KAT6A: variants seen among roughly 807,000 people sequenced by gnomAD.
KAT6A encodes the protein lysine acetyltransferase 6A, also known as histone acetyltransferase KAT6A.
Under a neutral mutation model 198.4 loss-of-function variants are expected in KAT6A, and 9 were observed. The observed-to-expected ratio is 0.05, with a 90% CI of 0.03 to 0.08. The LOEUF (loss-of-function observed/expected upper bound fraction) is 0.08, where lower values mean the gene tolerates loss of function less well. Among genes scored for constraint, KAT6A ranks in the 10% least tolerant of loss-of-function variants. The pLI, the probability that KAT6A is intolerant of heterozygous loss-of-function variation, is 1.00. For missense variants in KAT6A, 2,077 were observed against 2,509.9 expected, an observed-to-expected ratio of 0.83 and a Z score of 3.69; for synonymous variants, 890 against 883.0, an observed-to-expected ratio of 1.01 and a Z score of -0.14.
intron 2 of KAT6A, among the ~76,000 whole-genome samples, chr8:42,023,756 C>T (rs958988902): frequency 7.9e-5 from 12 of 150,992 alleles, no homozygotes; most frequent in African/African-American, 2.4e-4. Context: ...CAAACTGCTG[C>T]GACTACAGGT....
chr8:41,981,422 A>C, intron 4 of KAT6A, among the ~76,000 whole-genome samples: 1 of 152,220 alleles, frequency 6.6e-6, no homozygotes, highest in South Asian at 2.1e-4. Context: ...TGTTCCAGCC[A>C]ATCTTTGATA....
intron 8 of KAT6A, among the ~76,000 whole-genome samples, chr8:41,972,529 G>A (rs550695488): frequency 1.1e-4 from 16 of 152,280 alleles, no homozygotes; most frequent in African/African-American, 3.6e-4. Context: ...ACACACTGAG[G>A]AGGACACAGC....
At chr8:42,015,055 C>T (rs1826206614) in intron 2 of KAT6A, among the ~76,000 whole-genome samples, 1 of 152,148 alleles carries the variant, frequency 6.6e-6, no homozygotes, top group Non-Finnish European at 1.5e-5. Context: ...ATAACCAGTG[C>T]ATGAAGGGAG....
At chr8:41,953,943 A>C (rs148552863) in intron 9 of KAT6A, among the ~76,000 whole-genome samples, 30 of 152,268 alleles carry the variant, frequency 2.0e-4, no homozygotes, top group Admixed American at 8.5e-4. Context: ...ATACAATGTA[A>C]CCTTATCTTA....
rs755124350 is a variant in KAT6A at position 41,933,831 on chromosome 8, G to A, written c.4389C>T (p.Asp1463=). The change falls in exon 17 of 17, where the codon GAC becomes GAT. Residue 1463 remains aspartate, a synonymous_variant. Transcript: ENST00000265713. The surrounding 1 kb of genome is among the most constrained non-coding windows in gnomAD (Gnocchi z 6.2). ...CQTLQSYTQA[D]EDPQMSMVED... is the part of the protein sequence containing the mutation. ...CAACCATGGACATCTGAGGGTCCTC[G>A]TCAGCCTGGGTGTAACTCTGCAGGG... The A allele has an allele frequency of 6.2e-6, 10 of 1,613,960 alleles. No homozygotes were observed. Among genetic ancestry groups the A allele is most frequent in the Admixed American group, 1.7e-5 (1 of 60,000 alleles).
chr8:41,951,847 T>C (rs1364280745), intron 9 of KAT6A, among the ~76,000 whole-genome samples: 25 of 152,202 alleles, frequency 1.6e-4, no homozygotes, highest in Admixed American at 1.6e-3. Flanking sequence ...CAAATATTAC[T>C]TAAATCTAAG....
chr8:42,030,734 T>A (rs1344179380), intron 2 of KAT6A, among the ~76,000 whole-genome samples: 2 of 151,766 alleles, frequency 1.3e-5, no homozygotes, highest in Admixed American at 1.3e-4. Context: ...CTGACAAATT[T>A]TTTGTTGTTG....
chr8:42,015,693 T>C (rs966481418), intron 2 of KAT6A, among the ~76,000 whole-genome samples: 8 of 152,248 alleles, frequency 5.3e-5, no homozygotes, highest in African/African-American at 1.9e-4. Context: ...ATATTTTTCA[T>C]TTGAAAATTT....
Position 42,031,817 on chromosome 8 carries a change from G to C in KAT6A, c.600+16561C>G, listed in dbSNP as rs555126828. 1.3e-4 allele frequency among the ~76,000 whole-genome samples: 19 copies of C among 151,618 alleles called. No homozygotes were observed. In the South Asian group the frequency reaches 4.0e-3, roughly 32 times the overall value. ...GGCTAATTTTTGTATTTTTAGTAGA[G>C]ATAGGGTTTTGTCATGTTGGCCAGG... On this transcript the variant is annotated intron_variant, in intron 2 of 16. Coordinates refer to ENST00000265713, the MANE Select transcript of KAT6A (RefSeq NM_006766.5).
At chr8:41,941,728 G>A (rs1167199867) in intron 14 of KAT6A, among the ~76,000 whole-genome samples, 1 of 152,178 alleles carries the variant, frequency 6.6e-6, no homozygotes, top group Non-Finnish European at 1.5e-5. Context: ...ATCTGCCCCA[G>A]GTCACGCAAG....
rs757147765 is a variant in KAT6A at position 42,048,384 on chromosome 8, C to A, written c.594G>T (p.Lys198Asn). Reference protein sequence around the residue: ...LPPVSLLPHEKDKPVAEPIPI... With the variant: ...LPPVSLLPHENDKPVAEPIPI... ...AAGCATATGCCATTCTTACCTTATC[C>A]TTTTCATGTGGAAGAAGGGACACTG... Residue 198 changes from lysine to asparagine, a missense_variant, in exon 2 of 17, where the codon AAG becomes AAT. Coordinates refer to ENST00000265713, the MANE Select transcript of KAT6A (RefSeq NM_006766.5). 5 of 1,613,670 alleles carry A rather than the reference C, an allele frequency of 3.1e-6. No individual in the cohort carries two copies. Among genetic ancestry groups the A allele is most frequent in the Non-Finnish European group, 4.2e-6 (5 of 1,179,682 alleles).
At chr8:41,957,074 A>G (rs769283471) in intron 8 of KAT6A, 27 of 600,634 alleles carry the variant, frequency 4.5e-5, no homozygotes, top group Non-Finnish European at 6.3e-5. Flanking sequence ...CTGTTGTTTG[A>G]GGGTCTTCCC....
chr8:42,012,794 A>G (rs1826084334), intron 2 of KAT6A, among the ~76,000 whole-genome samples: 1 of 152,214 alleles, frequency 6.6e-6, no homozygotes, highest in Admixed American at 6.5e-5. Flanking sequence ...CATAATTGCC[A>G]AAAACTGAAA....
At chr8:41,978,993 C>T (rs1329753145) in intron 5 of KAT6A, among the ~76,000 whole-genome samples, 1 of 152,190 alleles carries the variant, frequency 6.6e-6, no homozygotes, top group Non-Finnish European at 1.5e-5. Flanking sequence ...TTCAAGCCTG[C>T]ACTGGAAGTC....
In KAT6A at chr8:41,934,487, C is replaced by T. The variant is rs750042017; in HGVS notation, c.3733G>A (p.Ala1245Thr). 15 of 1,610,788 alleles carry T rather than the reference C, an allele frequency of 9.3e-6. No homozygotes were observed. The highest frequency in any genetic ancestry group is 1.3e-5 in the Non-Finnish European group (15 of 1,178,366). Residue 1245 changes from alanine (A) to threonine (T), a missense_variant, in exon 17 of 17, where the codon GCC (alanine) becomes ACC (threonine). Coordinates refer to ENST00000265713, the MANE Select transcript of KAT6A (RefSeq NM_006766.5). ...EAEEGEEEDA[A>T]SSEVPAASPA... ...GAGGCTGCTGGGACTTCACTGCTGG[C>T]TGCATCCTCTTCCTCACCCTCTTCA...
intron 2 of KAT6A, among the ~76,000 whole-genome samples, chr8:42,008,834 C>T (rs1049460965): frequency 2.0e-5 from 3 of 152,078 alleles, no homozygotes; most frequent in African/African-American, 7.2e-5. Flanking sequence ...ATTTAAATAG[C>T]TACATGCACC....
Position 41,946,673 on chromosome 8 carries a change from G to A in KAT6A, c.1914C>T (p.Cys638=). 6.3e-7 allele frequency: 1 copy of A among 1,596,636 alleles called. No homozygotes were observed. Among genetic ancestry groups the A allele is most frequent in the East Asian group, 2.2e-5 (1 of 44,786 alleles). The change falls in exon 12 of 17, where the codon TGC becomes TGT. Residue 638 remains cysteine, a synonymous_variant. Transcript: ENST00000265713. The part of the protein sequence containing the change: ...LVGYFSKEKH[C]QQKYNVSCIM... ...TACAGGAAACATTGTACTTCTGTTG[G>A]CAGTGCTTTTCCTGGTGGAGAAAAC...
intron 2 of KAT6A, among the ~76,000 whole-genome samples, chr8:42,030,718 C>T (rs1827065721): frequency 6.6e-6 from 1 of 151,898 alleles, no homozygotes; most frequent in Non-Finnish European, 1.5e-5. Context: ...AAGCCTGCCA[C>T]CACACCTGAC....
In KAT6A at chr8:41,931,940, C is replaced by T. The variant is rs907386320; in HGVS notation, c.*265G>A. 1 of 308,636 alleles carries T rather than the reference C, an allele frequency of 3.2e-6. No individual in the cohort carries two copies. Among genetic ancestry groups the T allele is most frequent in the Non-Finnish European group, 5.8e-6 (1 of 171,092 alleles). 19.1% of individuals were successfully genotyped at this position (308,636 alleles called of 1,614,324 possible). On this transcript the variant is annotated 3_prime_UTR_variant, in exon 17 of 17. Coordinates refer to ENST00000265713, the MANE Select transcript of KAT6A (RefSeq NM_006766.5). ...TTTTTAATTATGAAAAGATTTTGTG[C>T]ATGTTTCCCCATCCCCAAATCCATT...
Sources: allele counts gnomAD v4.1 joint callset (sites outside exome capture counted in the v4.1 genomes callset), GRCh38; gene constraint gnomAD v4.1.1; non-coding constraint Gnocchi (gnomAD v3.1); transcripts MANE v1.5; gene names NCBI Gene and HGNC (gene_info 2026-07-23, HGNC 2026-07-21).